The following TMEM260 variants were observed in gnomAD, a reference collection of about 807,000 sequenced individuals.
TMEM260 encodes the protein transmembrane protein 260.
In TMEM260, 82 loss-of-function variants were observed where a neutral mutation model predicts 88.9. That is an observed-to-expected ratio of 0.92 (90% CI 0.77 to 1.11). The LOEUF is 1.11. Ranked by LOEUF, TMEM260 falls within the 50% of genes least tolerant of loss-of-function variation. TMEM260 has a pLI of 0.00. For missense variants in TMEM260, 902 were observed against 853.4 expected (o/e 1.06, Z -0.71); for synonymous variants, 314 against 309.3 (o/e 1.02, Z -0.16).
In TMEM260 at chr14:56,603,843, C is replaced by T; in HGVS notation, c.373C>T (p.Leu125Phe). 1 of 1,613,748 alleles carries T rather than the reference C, an allele frequency of 6.2e-7. No homozygotes were observed. ...TTCTGGCTCATCTGCTGGAGGAATC[C>T]TTGCTGCGGGGGTGTTTTCATTTTC... ...RLSGSSAGGI[L>F]AAGVFSFSRL... The change falls in exon 4 of 16, where the codon CTT (leucine) becomes TTT (phenylalanine). Residue 125 changes from leucine to phenylalanine, a missense_variant. By Grantham distance (22) the Leu-to-Phe change is conservative. Transcript: ENST00000261556.
chr14:56,624,679 AGGAACAG>A lies in TMEM260; in HGVS notation c.1399-701_1399-695del, dbSNP rs549635280. Among the ~76,000 whole-genome samples, 340 of 152,338 alleles carry A rather than the reference AGGAACAG, an allele frequency of 2.2e-3. 1 individual carries two copies. Among genetic ancestry groups the A allele is most frequent in the Non-Finnish European group, 3.0e-3 (202 of 68,036 alleles). ...TTTTCTAGGAGCTCACAGTCTGGTG[AGGAACAG>A]GCTCTCATAGAGGTGAGTACAAAGT... is the stretch of plus-strand genomic sequence containing the variant. On this transcript the variant is annotated intron_variant, in intron 11 of 15. Coordinates refer to ENST00000261556, the MANE Select transcript of TMEM260 (RefSeq NM_017799.4).
Position 56,579,974 on chromosome 14 carries a change from G to A in TMEM260, c.60G>A (p.Leu20=), listed in dbSNP as rs1884996709. 7 of 1,243,480 alleles carry A rather than the reference G, an allele frequency of 5.6e-6. No homozygotes were observed. The East Asian group carries it at 2.2e-4, about 39-fold the overall frequency. 77.0% of individuals were successfully genotyped at this position (1,243,480 alleles called of 1,614,324 possible). ...AGGGGCGGGCAGTCCGAGTGGGGCT[G>A]CGGCGCTCCGGGGGCATCCGCGGCG... ...QAQGRAVRVG[L]RRSGGIRGGV... The change falls in exon 1 of 16, where the codon CTG becomes CTA. Residue 20 remains leucine (L), a synonymous_variant. Coordinates refer to ENST00000261556, the MANE Select transcript of TMEM260 (RefSeq NM_017799.4).
chr14:56,635,458 G>GCAGA (rs1271513104), intron 14 of TMEM260, among the ~76,000 whole-genome samples: 5 of 146,972 alleles, frequency 3.4e-5, no homozygotes, highest in Non-Finnish European at 7.5e-5. Flanking sequence ...AGTCTAATGA[G>GCAGA]CAGACAGACA....
chr14:56,625,254 A>G, intron 11 of TMEM260, 128 bp from the exon 12 acceptor site: 2 of 860,654 alleles, frequency 2.3e-6, no homozygotes, highest in Non-Finnish European at 3.6e-6. Flanking sequence ...AGTTGTGCTT[A>G]TATTTTTCAA....
chr14:56,611,853 A>G (rs1371706859), intron 6 of TMEM260, among the ~76,000 whole-genome samples: 4 of 152,176 alleles, frequency 2.6e-5, no homozygotes, highest in Non-Finnish European at 5.9e-5. Context: ...GGAATACTAC[A>G]CAGCCATAAA....
Position 56,621,570 on chromosome 14 carries a change from C to T in TMEM260, c.1266C>T (p.Phe422=), listed in dbSNP as rs1165116574. 16 of 1,608,374 alleles carry T rather than the reference C, an allele frequency of 9.9e-6. No homozygotes were observed. Among genetic ancestry groups the T allele is most frequent in the South Asian group, 1.1e-5 (1 of 89,386 alleles). The change falls in exon 11 of 16, where the codon TTC becomes TTT. Residue 422 remains phenylalanine (F), a synonymous_variant. Coordinates refer to ENST00000261556, the MANE Select transcript of TMEM260 (RefSeq NM_017799.4). Reference sequence around the variant, plus strand: ...GGACCAACTATGTGATTGATAAGTTCGCAAAGAACCTTCTCACCTCTATGC... The same window carrying T: ...GGACCAACTATGTGATTGATAAGTTTGCAAAGAACCTTCTCACCTCTATGC... ...DQRTNYVIDK[F]AKNLLTSMPH...
At chr14:56,626,214 T>A (rs1483647729) in intron 12 of TMEM260, among the ~76,000 whole-genome samples, 1 of 152,202 alleles carries the variant, frequency 6.6e-6, no homozygotes, top group Non-Finnish European at 1.5e-5. Flanking sequence ...AGTTAAATTA[T>A]CCCTTGCTAA....
At chr14:56,651,380 TTGTA>T (rs1198449467), downstream of TMEM260, among the ~76,000 whole-genome samples, 1 of 152,088 alleles carries the variant, frequency 6.6e-6, no homozygotes, top group Non-Finnish European at 1.5e-5. Context: ...TTGATGGAAA[TTGTA>T]TGTACTAGAA....
chr14:56,603,895 C>T lies in TMEM260; in HGVS notation c.425C>T (p.Ala142Val). Residue 142 changes from alanine (A) to valine (V), a missense_variant, in exon 4 of 16, where the codon GCA becomes GTA. Coordinates refer to ENST00000261556, the MANE Select transcript of TMEM260 (RefSeq NM_017799.4). Reference protein sequence around the residue: ...FSRLTWQWSIAAEVFSLNNLF... With the variant: ...FSRLTWQWSIVAEVFSLNNLF... ...CGTCTAACATGGCAGTGGTCCATTG[C>T]AGCAGAGGTTTTTAGCTTAAACAAT... 6.2e-7 allele frequency: 1 copy of T among 1,613,764 alleles called. No homozygotes were observed. The highest frequency in any genetic ancestry group is 8.5e-7 in the Non-Finnish European group (1 of 1,179,866).
chr14:56,632,775 T>C (rs774398221), intron 12 of TMEM260, among the ~76,000 whole-genome samples: 2 of 152,112 alleles, frequency 1.3e-5, no homozygotes, highest in Non-Finnish European at 2.9e-5. Flanking sequence ...CTGTTAATTA[T>C]ATTAGATATC....
the TMEM260 span, among the ~76,000 whole-genome samples, chr14:56,662,940 C>G: frequency 6.6e-6 from 1 of 152,124 alleles, no homozygotes. Flanking sequence ...CCAGCCTGAC[C>G]AAGATGGAGA....
Position 56,633,183 on chromosome 14 carries a change from A to T in TMEM260, c.1724+12A>T. The T allele has an allele frequency of 1.2e-6, 2 of 1,601,394 alleles. No homozygotes were observed. Among genetic ancestry groups the T allele is most frequent in the South Asian group, 2.2e-5 (2 of 89,374 alleles). On this transcript the variant is annotated intron_variant, in intron 13 of 15. Transcript: ENST00000261556. The stretch of plus-strand genomic sequence containing the variant: ...GAAGAATATGGAAGGTATGAACAGC[A>T]GTTGTATTTTGATGCATATAAACAT...
In TMEM260 at chr14:56,634,927, G is replaced by C; in HGVS notation, c.1753G>C (p.Ala585Pro). ...TGATCCATCTTCTTGGGAATCTGTGGCCAATGAAGAAATGTGGCAAGCGAG... is the reference window on the plus strand; with the variant it reads ...TGATCCATCTTCTTGGGAATCTGTGCCCAATGAAGAAATGTGGCAAGCGAG... ...RFDPSSWESV[A>P]NEEMWQARMK... is the part of the protein sequence containing the mutation. The change falls in exon 14 of 16, where the codon GCC becomes CCC. Residue 585 changes from alanine to proline, a missense_variant. By Grantham distance (27) the Ala-to-Pro change is conservative. Transcript: ENST00000261556. 6.2e-7 allele frequency: 1 copy of C among 1,613,992 alleles called. No individual in the cohort carries two copies. The highest frequency in any genetic ancestry group is 8.5e-7 in the Non-Finnish European group (1 of 1,179,948).
chr14:56,624,906 C>CG (rs1888149343), intron 11 of TMEM260, among the ~76,000 whole-genome samples: 1 of 152,068 alleles, frequency 6.6e-6, no homozygotes, highest in Non-Finnish European at 1.5e-5. Context: ...GGAATGGTCT[C>CG]GGGATGAAAC....
chr14:56,658,187 A>G, the TMEM260 span, among the ~76,000 whole-genome samples: 1 of 152,134 alleles, frequency 6.6e-6, no homozygotes, highest in Non-Finnish European at 1.5e-5. Context: ...CCACAAAGCA[A>G]TGAAGGGAAT....
downstream of TMEM260, among the ~76,000 whole-genome samples, chr14:56,652,175 C>T (rs17714776): frequency 0.32 from 49,233 of 152,034 alleles, 9,808 homozygotes; most frequent in East Asian, 0.54. Context: ...CACCCATTAC[C>T]CTGGATCCTT....
At chr14:56,633,258 ATTTTT>A (rs60675114) in intron 13 of TMEM260, 87 bp downstream of exon 13, 2 of 930,704 alleles carry the variant, frequency 2.1e-6, no homozygotes, top group Admixed American at 2.9e-5. Context: ...ATGCCTTCTA[ATTTTT>A]TTTTTTATTA....
chr14:56,639,840 T>G (rs1294715839), intron 15 of TMEM260, among the ~76,000 whole-genome samples: 1 of 152,228 alleles, frequency 6.6e-6, no homozygotes, highest in East Asian at 1.9e-4. Context: ...GATTATATTC[T>G]GCACCTGGCT....
In TMEM260 at chr14:56,647,440, T is replaced by A. The variant is rs1273141810; in HGVS notation, c.2067T>A (p.Gly689=). ...PNDPQQADIL[G]ALKHLRKELQ... ...ACCCACAGCAAGCTGATATTTTAGG[T>A]GCTCTAAAGCACCTAAGAAAAGAAC... The change falls in exon 16 of 16, where the codon GGT becomes GGA. Residue 689 remains glycine, a synonymous_variant. Coordinates refer to ENST00000261556, the MANE Select transcript of TMEM260 (RefSeq NM_017799.4). The A allele has an allele frequency of 1.2e-6, 2 of 1,614,108 alleles. No homozygotes were observed. The highest frequency in any genetic ancestry group is 8.5e-7 in the Non-Finnish European group (1 of 1,180,028).
Sources: gnomAD v4.1 joint callset for allele counts (sites outside exome capture counted in the v4.1 genomes callset) on GRCh38, gnomAD v4.1.1 for gene constraint, MANE v1.5 for transcripts, NCBI Gene and HGNC (gene_info 2026-07-23, HGNC 2026-07-21) for gene names.